Variants in RAB9B observed in about 807,000 individuals in gnomAD.
The protein encoded by RAB9B is RAB9B, member RAS oncogene family, also known as ras-related protein Rab-9B.
In RAB9B, 1 loss-of-function variant was observed where a neutral mutation model predicts 8.9. The ratio of observed to expected loss-of-function variants is 0.11; its 90% CI spans 0.04 to 0.53. The LOEUF is 0.53. Ranked by LOEUF, RAB9B falls within the 20% of genes least tolerant of loss-of-function variation. The pLI is 0.93. For missense variants in RAB9B, 82 were observed against 152.9 expected, an observed-to-expected ratio of 0.54 and a Z score of 2.45; for synonymous variants, 63 against 57.0, an observed-to-expected ratio of 1.10 and a Z score of -0.47.
At chrX:103,786,534 G>A in the RAB9B span, 1 of 1,208,931 alleles carries the variant, frequency 8.3e-7, no homozygotes, top group African/African-American at 1.8e-5. Context: ...CCCTCCTGCT[G>A]GCTGAGGGCT....
At chrX:103,805,369 T>C in the RAB9B span, among the ~76,000 whole-genome samples, 1 of 112,101 alleles carries the variant, frequency 8.9e-6, no homozygotes, top group Admixed American at 9.5e-5. Context: ...ATCCTTTTTA[T>C]ATGTTGCCTG....
chrX:103,809,479 T>C, the RAB9B span, among the ~76,000 whole-genome samples: 315 of 112,050 alleles, frequency 2.8e-3, 3 homozygotes, highest in African/African-American at 9.6e-3. Flanking sequence ...TTTGTATTTT[T>C]AATAGAGACA....
At chrX:103,788,480 C>T in the RAB9B span, 19 of 1,206,936 alleles carry the variant, frequency 1.6e-5, no homozygotes, top group Admixed American at 3.9e-4. Flanking sequence ...TTTGTGGCTC[C>T]AACCTTCTGT....
chrX:103,783,490 G>A, the RAB9B span, among the ~76,000 whole-genome samples: 26 of 112,374 alleles, frequency 2.3e-4, no homozygotes, highest in East Asian at 7.3e-3. Flanking sequence ...ACTCTTTGAA[G>A]GCCAAGAAAG....
At chrX:103,792,778 A>T in the RAB9B span, among the ~76,000 whole-genome samples, 6 of 112,424 alleles carry the variant, frequency 5.3e-5, no homozygotes, top group Non-Finnish European at 1.1e-4. Context: ...TTCTACTTTT[A>T]TAGTTGAAGA....
At chrX:103,803,702 C>T in the RAB9B span, among the ~76,000 whole-genome samples, 4 of 112,454 alleles carry the variant, frequency 3.6e-5, no homozygotes, top group African/African-American at 1.3e-4. Flanking sequence ...CCTCAGCTTC[C>T]TGAGTAGATG....
At chrX:103,796,839 C>G in the RAB9B span, among the ~76,000 whole-genome samples, 2 of 84,021 alleles carry the variant, frequency 2.4e-5, no homozygotes, top group Non-Finnish European at 4.5e-5. Flanking sequence ...AGCGAGACAC[C>G]GCCTCTACAA....
the RAB9B span, among the ~76,000 whole-genome samples, chrX:103,807,983 A>T: frequency 8.9e-6 from 1 of 112,270 alleles, no homozygotes; most frequent in Non-Finnish European, 1.9e-5. Context: ...GGGACGAGTT[A>T]TCCCTATTGT....
the RAB9B span, among the ~76,000 whole-genome samples, chrX:103,801,186 C>T: frequency 9.0e-6 from 1 of 110,739 alleles, no homozygotes; most frequent in Non-Finnish European, 1.9e-5. Flanking sequence ...ACTCATGACC[C>T]CTCCTCCACA....
At chrX:103,814,095 C>T in the RAB9B span, among the ~76,000 whole-genome samples, 1 of 111,580 alleles carries the variant, frequency 9.0e-6, no homozygotes, top group South Asian at 3.8e-4. Context: ...ACCTAATAGA[C>T]ATCTACAGAA....
At chrX:103,802,679 A>G in the RAB9B span, among the ~76,000 whole-genome samples, 1 of 111,676 alleles carries the variant, frequency 9.0e-6, no homozygotes, top group African/African-American at 3.3e-5. Flanking sequence ...ATTCATATAC[A>G]ATTGACCCAT....
chrX:103,814,015 T>A, the RAB9B span, among the ~76,000 whole-genome samples: 1 of 110,725 alleles, frequency 9.0e-6, no homozygotes, highest in Non-Finnish European at 1.9e-5. Context: ...ATTGTCAATA[T>A]TAGACAGATC....
chrX:103,802,133 G>A, the RAB9B span, among the ~76,000 whole-genome samples: 1 of 108,715 alleles, frequency 9.2e-6, no homozygotes, highest in Non-Finnish European at 1.9e-5. Flanking sequence ...TAAATGGATC[G>A]AAGTGGGTGC....
chrX:103,809,528 G>A, the RAB9B span, among the ~76,000 whole-genome samples: 1 of 112,364 alleles, frequency 8.9e-6, no homozygotes, highest in Non-Finnish European at 1.9e-5. Context: ...TTGAACTCCT[G>A]ACCTCAGGTG....
At chrX:103,820,883 G>A (rs2074656617), downstream of RAB9B, among the ~76,000 whole-genome samples, 2 of 108,820 alleles carry the variant, frequency 1.8e-5, no homozygotes, top group African/African-American at 3.4e-5. Flanking sequence ...CCGGGAGGCC[G>A]AGGTTGCAGT....
chrX:103,788,849 G>A, the RAB9B span: 1 of 306,144 alleles, frequency 3.3e-6, no homozygotes, highest in Non-Finnish European at 5.7e-6. Flanking sequence ...AATGGGCTGT[G>A]CACAGAGGCA....
the RAB9B span, among the ~76,000 whole-genome samples, chrX:103,809,026 C>T: frequency 8.9e-6 from 1 of 112,503 alleles, no homozygotes. Flanking sequence ...GCTCTAACCC[C>T]TTATAGGATG....
At chrX:103,826,403 C>T (rs1399239144) in intron 2 of RAB9B, among the ~76,000 whole-genome samples, 2 of 111,817 alleles carry the variant, frequency 1.8e-5, no homozygotes, top group African/African-American at 6.5e-5. Context: ...AACACCCTCT[C>T]AAGTAAGGAT....
the RAB9B span, among the ~76,000 whole-genome samples, chrX:103,800,347 C>A: frequency 9.0e-6 from 1 of 111,170 alleles, no homozygotes; most frequent in African/African-American, 3.3e-5. Context: ...AGAACACATT[C>A]ATTGCTTTAG....
Sources: gnomAD v4.1 joint callset for allele counts (sites outside exome capture counted in the v4.1 genomes callset) on GRCh38, gnomAD v4.1.1 for gene constraint, MANE v1.5 for transcripts, NCBI Gene and HGNC (gene_info 2026-07-23, HGNC 2026-07-21) for gene names.